The following SCMH1 variants were observed in gnomAD, a reference collection of about 807,000 sequenced individuals.
SCMH1 encodes polycomb protein SCMH1.
SCMH1 carries 37 observed loss-of-function variants against 70.8 expected under a neutral mutation model. That is an observed-to-expected ratio of 0.52 (90% CI 0.40 to 0.69). SCMH1 has a LOEUF of 0.69. Ranked by LOEUF, SCMH1 falls within the 30% of genes least tolerant of loss-of-function variation. The pLI, the probability that SCMH1 is intolerant of heterozygous loss-of-function variation, is 0.00. For missense variants in SCMH1, 607 were observed against 827.3 expected (o/e 0.73, Z 3.27); for synonymous variants, 292 against 307.4 (o/e 0.95, Z 0.52).
chr1:41,217,829 A>G (rs1658432955), intron 1 of SCMH1, among the ~76,000 whole-genome samples: 1 of 152,222 alleles, frequency 6.6e-6, no homozygotes, highest in South Asian at 2.1e-4. Context: ...CAAGCCAGAG[A>G]GAATTATTCT....
In SCMH1 at chr1:41,034,055, AAAGACCAGGTT is replaced by A; in HGVS notation, c.1678+3296_1678+3306del. The A allele has an allele frequency of 6.2e-7, 1 of 1,604,054 alleles. No homozygotes were observed. The highest frequency in any genetic ancestry group is 8.5e-7 in the Non-Finnish European group (1 of 1,174,868). ...TTTGATCCTTTTAACACTCCTGTGG[AAAGACCAGGTT>A]GGTGTCACCATCTCCAGTTTGCACA... On this transcript the variant is annotated intron_variant, in intron 13 of 14. Transcript: ENST00000337495.
At chr1:41,043,417 A>G (rs1195433545) in intron 12 of SCMH1, 1 of 147,656 alleles carries the variant, frequency 6.8e-6, no homozygotes, top group East Asian at 2.0e-4. Flanking sequence ...TTAATGTTAA[A>G]TTTCATTAGT....
intron 6 of SCMH1, among the ~76,000 whole-genome samples, chr1:41,120,793 T>C (rs1309778603): frequency 1.3e-5 from 2 of 152,204 alleles, no homozygotes; most frequent in Admixed American, 6.5e-5. Flanking sequence ...AACTTGTTCA[T>C]GGTCACACAA....
At chr1:41,104,723 A>C (rs1000571932) in intron 8 of SCMH1, among the ~76,000 whole-genome samples, 1 of 152,156 alleles carries the variant, frequency 6.6e-6, no homozygotes, top group African/African-American at 2.4e-5. Context: ...TCAGGAGACA[A>C]GAGGGGTATA....
intron 6 of SCMH1, among the ~76,000 whole-genome samples, chr1:41,125,987 A>G (rs1417658077): frequency 6.6e-6 from 1 of 152,200 alleles, no homozygotes; most frequent in Non-Finnish European, 1.5e-5. Flanking sequence ...TACAAATCAT[A>G]TGTTACATAT....
At chr1:41,137,067 T>TA (rs1195605147) in intron 6 of SCMH1, among the ~76,000 whole-genome samples, 10 of 152,128 alleles carry the variant, frequency 6.6e-5, no homozygotes, top group Admixed American at 6.5e-4. Flanking sequence ...AGGCATGAAT[T>TA]ACCATGCCCG....
intron 6 of SCMH1, among the ~76,000 whole-genome samples, chr1:41,124,092 C>T (rs748898437): frequency 6.6e-6 from 1 of 151,750 alleles, no homozygotes; most frequent in Non-Finnish European, 1.5e-5. Context: ...AAGTTATAAA[C>T]CTAGAGAAAA....
chr1:41,161,249 C>T lies in SCMH1; in HGVS notation c.82+115G>A. On this transcript the variant is annotated intron_variant, in intron 3 of 14. Transcript: ENST00000337495. Reference sequence around the variant, plus strand: ...ATACCTCTGTAAACTGCAATATTTGCTTCTGATATAACAATTGAGTTATTT... The same window carrying T: ...ATACCTCTGTAAACTGCAATATTTGTTTCTGATATAACAATTGAGTTATTT... 2.7e-6 allele frequency: 4 copies of T among 1,477,902 alleles called. No individual in the cohort carries two copies. In the Admixed American group the frequency reaches 7.1e-5, roughly 26 times the overall value. The allele number at this position is 1,477,902 out of a possible 1,614,324, so 91.5% of individuals were successfully genotyped here.
intron 1 of SCMH1, among the ~76,000 whole-genome samples, chr1:41,240,705 A>G (rs1012963790): frequency 6.6e-6 from 1 of 151,738 alleles, no homozygotes; most frequent in Non-Finnish European, 1.5e-5. Context: ...ACAAAATAAG[A>G]TGTCTTTTAG....
intron 10 of SCMH1, among the ~76,000 whole-genome samples, chr1:41,057,110 G>T (rs1361430149): frequency 6.6e-6 from 1 of 152,140 alleles, no homozygotes; most frequent in East Asian, 1.9e-4. Flanking sequence ...ACCCAAAGAG[G>T]TGGGGGCGGG....
At chr1:41,189,643 A>G (rs1332076482) in intron 1 of SCMH1, among the ~76,000 whole-genome samples, 3 of 152,244 alleles carry the variant, frequency 2.0e-5, no homozygotes, top group Non-Finnish European at 4.4e-5. Flanking sequence ...CATGTAGCAG[A>G]GGTGAACAAA....
chr1:41,123,181 C>T (rs145651839), intron 6 of SCMH1, among the ~76,000 whole-genome samples: 9 of 152,266 alleles, frequency 5.9e-5, no homozygotes, highest in East Asian at 1.9e-4. Context: ...ATGATTGTGA[C>T]GCTGCATTCC....
chr1:41,179,078 A>C (rs1647889337), intron 2 of SCMH1, among the ~76,000 whole-genome samples: 1 of 152,228 alleles, frequency 6.6e-6, no homozygotes, highest in African/African-American at 2.4e-5. Context: ...AGGATTAAGA[A>C]ACTCACTCAA....
intron 10 of SCMH1, among the ~76,000 whole-genome samples, chr1:41,062,832 T>A: frequency 6.7e-6 from 1 of 149,430 alleles, no homozygotes; most frequent in East Asian, 2.0e-4. Flanking sequence ...GGCAGGAGAA[T>A]TGCTTGAAGG....
At chr1:41,074,238 T>C (rs1449859355) in intron 9 of SCMH1, among the ~76,000 whole-genome samples, 1 of 152,108 alleles carries the variant, frequency 6.6e-6, no homozygotes, top group Non-Finnish European at 1.5e-5. Context: ...TCAGGAAATG[T>C]GGGAAAGACT....
At chr1:41,222,315 A>G (rs574494351) in intron 1 of SCMH1, among the ~76,000 whole-genome samples, 46 of 152,342 alleles carry the variant, frequency 3.0e-4, no homozygotes, top group African/African-American at 1.1e-3. Flanking sequence ...AAAATAGACA[A>G]TAAAAGTGAT....
chr1:41,200,330 A>T (rs946133134), intron 1 of SCMH1, among the ~76,000 whole-genome samples: 1 of 151,962 alleles, frequency 6.6e-6, no homozygotes, highest in African/African-American at 2.4e-5. Context: ...ACAAAAAAAC[A>T]TTAGCTGGGT....
At chr1:41,214,546 T>A (rs1028434957) in intron 1 of SCMH1, among the ~76,000 whole-genome samples, 2 of 152,260 alleles carry the variant, frequency 1.3e-5, no homozygotes, top group Non-Finnish European at 2.9e-5. Flanking sequence ...AGTAGTTATT[T>A]AATAAACATT....
intron 10 of SCMH1, among the ~76,000 whole-genome samples, chr1:41,050,186 T>C (rs1647565029): frequency 6.6e-6 from 1 of 151,896 alleles, no homozygotes; most frequent in South Asian, 2.1e-4. Context: ...CCTAACAGAG[T>C]TGTCTCTGGA....
Sources: gnomAD v4.1 joint callset for allele counts (sites outside exome capture counted in the v4.1 genomes callset) on GRCh38, gnomAD v4.1.1 for gene constraint, MANE v1.5 for transcripts, NCBI Gene and HGNC (gene_info 2026-07-23, HGNC 2026-07-21) for gene names.